The following ANTXR1 variants were observed in gnomAD, a reference collection of about 807,000 sequenced individuals.
ANTXR1 encodes ANTXR cell adhesion molecule 1.
In ANTXR1, 19 loss-of-function variants were observed where a neutral mutation model predicts 78.1. That is an observed-to-expected ratio of 0.24 (90% CI 0.17 to 0.36). The LOEUF is 0.36. Among genes scored for constraint, ANTXR1 ranks in the 10% least tolerant of loss-of-function variants. ANTXR1 has a pLI of 1.00. For synonymous variants in ANTXR1, 273 were observed against 260.5 expected, an observed-to-expected ratio of 1.05 and a Z score of -0.46; for missense variants, 518 against 718.6, an observed-to-expected ratio of 0.72 and a Z score of 3.19.
chr2:69,236,236 A>G (rs537285527), intron 17 of ANTXR1, among the ~76,000 whole-genome samples: 5 of 152,228 alleles, frequency 3.3e-5, no homozygotes, highest in Non-Finnish European at 7.3e-5. Flanking sequence ...TCAAAACCTC[A>G]GTAAAAGTGG....
At chr2:69,062,099 A>G (rs1670261408) in intron 3 of ANTXR1, among the ~76,000 whole-genome samples, 1 of 152,192 alleles carries the variant, frequency 6.6e-6, no homozygotes, top group Non-Finnish European at 1.5e-5. Context: ...TGCGTGGTCT[A>G]GGTTTGGGTA....
chr2:69,019,314 T>C (rs1487667191), intron 1 of ANTXR1, among the ~76,000 whole-genome samples: 4 of 152,226 alleles, frequency 2.6e-5, no homozygotes, highest in African/African-American at 9.6e-5. Flanking sequence ...CCTAAGTATT[T>C]GATCATTTTG....
chr2:69,069,401 A>G (rs890502624), intron 3 of ANTXR1, among the ~76,000 whole-genome samples: 3 of 152,162 alleles, frequency 2.0e-5, no homozygotes, highest in Admixed American at 6.5e-5. Context: ...ACTACTGCAA[A>G]GAGCTGTCAT....
At chr2:69,142,046 CATAAAA>C (rs1251181157) in intron 12 of ANTXR1, among the ~76,000 whole-genome samples, 1 of 152,140 alleles carries the variant, frequency 6.6e-6, no homozygotes, top group Non-Finnish European at 1.5e-5. Flanking sequence ...AACTTGACAT[CATAAAA>C]AGAAAAGGAA....
intron 12 of ANTXR1, among the ~76,000 whole-genome samples, chr2:69,140,387 C>A (rs1673037093): frequency 6.6e-6 from 1 of 152,236 alleles, no homozygotes; most frequent in African/African-American, 2.4e-5. Flanking sequence ...CTTTCTCCAA[C>A]AACGCTGTCA....
chr2:69,078,283 C>T (rs1394488708), intron 8 of ANTXR1, among the ~76,000 whole-genome samples: 1 of 152,262 alleles, frequency 6.6e-6, no homozygotes, highest in Non-Finnish European at 1.5e-5. Context: ...TGTTCAGATG[C>T]TCTGCAGCCT....
rs540518651 is a variant in ANTXR1 at position 69,021,285 on chromosome 2, C to G, written c.152+7634C>G. Among the ~76,000 whole-genome samples, 48 of 152,256 alleles carry G rather than the reference C, an allele frequency of 3.2e-4. No individual in the cohort carries two copies. The Middle Eastern group carries it at 0.014, about 43-fold the overall frequency. On this transcript the variant is annotated intron_variant, in intron 1 of 17. Coordinates refer to ENST00000303714, the MANE Select transcript of ANTXR1 (RefSeq NM_032208.3). ...GTGAAACTAAGTCTCAAACCCAAGC[C>G]CCTCTGACTCATAATCTATGCACAA...
intron 17 of ANTXR1, among the ~76,000 whole-genome samples, chr2:69,219,307 C>T (rs1255906510): frequency 1.3e-5 from 2 of 151,100 alleles, no homozygotes; most frequent in Non-Finnish European, 2.9e-5. Context: ...CCAGAAATTC[C>T]CCAAAAGGAG....
intron 12 of ANTXR1, among the ~76,000 whole-genome samples, chr2:69,132,374 T>C (rs1159789247): frequency 6.6e-6 from 1 of 152,240 alleles, no homozygotes; most frequent in Non-Finnish European, 1.5e-5. Context: ...AGGTGTCTGT[T>C]TTCTAAGTCA....
chr2:69,040,735 A>C (rs1669589283), intron 2 of ANTXR1, among the ~76,000 whole-genome samples: 1 of 152,148 alleles, frequency 6.6e-6, no homozygotes, highest in Non-Finnish European at 1.5e-5. Flanking sequence ...AGGTCACTTC[A>C]CCCCACTGTG....
intron 16 of ANTXR1, 69 bp downstream of exon 16, chr2:69,182,729 T>C (rs1674309033): frequency 6.2e-7 from 1 of 1,601,208 alleles, no homozygotes; most frequent in African/African-American, 1.3e-5. Context: ...AGAATCAAAA[T>C]CTTTCCACAT....
chr2:69,186,365 C>T (rs529184261), intron 16 of ANTXR1, among the ~76,000 whole-genome samples: 20 of 152,340 alleles, frequency 1.3e-4, no homozygotes, highest in South Asian at 8.3e-4. Flanking sequence ...ACATGATGTT[C>T]GATCCACAAT....
chr2:69,167,573 G>A lies in ANTXR1; in HGVS notation c.1048-2675G>A, dbSNP rs73934766. ...TCATCCCTGACTCCAAGCTTAGCCTGTCTAGATCATACTTTTAAAAGCTGT... is the reference window on the plus strand; with the variant it reads ...TCATCCCTGACTCCAAGCTTAGCCTATCTAGATCATACTTTTAAAAGCTGT... On this transcript the variant is annotated intron_variant, in intron 13 of 17. Transcript: ENST00000303714. 8.5e-3 allele frequency among the ~76,000 whole-genome samples: 1,299 copies of A among 152,352 alleles called. 21 individuals are homozygous for A. The highest frequency in any genetic ancestry group is 0.028 in the African/African-American group (1,185 of 41,584).
At chr2:69,101,151 T>A (rs1365588562) in intron 9 of ANTXR1, among the ~76,000 whole-genome samples, 1 of 152,238 alleles carries the variant, frequency 6.6e-6, no homozygotes, top group Non-Finnish European at 1.5e-5. Context: ...GTAGTGTCTC[T>A]GTATTCTTTT....
At chr2:69,060,182 G>A (rs1031672530) in intron 3 of ANTXR1, among the ~76,000 whole-genome samples, 8 of 152,058 alleles carry the variant, frequency 5.3e-5, no homozygotes, top group Non-Finnish European at 7.4e-5. Context: ...AAGATACCCA[G>A]GTTCTATTTC....
At chr2:69,222,721 G>A (rs557416142) in intron 17 of ANTXR1, among the ~76,000 whole-genome samples, 2 of 152,318 alleles carry the variant, frequency 1.3e-5, no homozygotes, top group African/African-American at 4.8e-5. Flanking sequence ...TCCTGCAGAA[G>A]GGACCCAGCC....
At chr2:69,152,097 A>T (rs1673413918) in intron 12 of ANTXR1, 72 bp from the exon 13 acceptor site, 1 of 1,426,280 alleles carries the variant, frequency 7.0e-7, no homozygotes, top group Admixed American at 1.7e-5. Flanking sequence ...CATATCAGTG[A>T]TGGGAGTTTG....
At chr2:69,245,151 C>A (rs1299608455) in intron 17 of ANTXR1, 74 bp from the exon 18 acceptor site, 49 of 1,578,248 alleles carry the variant, frequency 3.1e-5, no homozygotes, top group Non-Finnish European at 4.3e-5. Context: ...TGCTTGCAAG[C>A]CGCCCACCAC....
intron 10 of ANTXR1, among the ~76,000 whole-genome samples, chr2:69,111,777 A>G (rs1301111670): frequency 1.3e-5 from 2 of 152,226 alleles, no homozygotes; most frequent in African/African-American, 2.4e-5. Context: ...ATTCGAACGT[A>G]GACGTTCCAG....
Sources: allele counts gnomAD v4.1 joint callset (sites outside exome capture counted in the v4.1 genomes callset), GRCh38; gene constraint gnomAD v4.1.1; transcripts MANE v1.5; gene names NCBI Gene and HGNC (gene_info 2026-07-23, HGNC 2026-07-21).